Variants in SLC25A21 observed in about 807,000 individuals in gnomAD.
The protein encoded by SLC25A21 is solute carrier family 25 member 21, also known as mitochondrial 2-oxodicarboxylate carrier.
Under a neutral mutation model 43.8 loss-of-function variants are expected in SLC25A21, and 47 were observed. That is an observed-to-expected ratio of 1.07 (90% CI 0.85 to 1.37). The LOEUF (loss-of-function observed/expected upper bound fraction) is 1.37, where lower values mean the gene tolerates loss of function less well. Among genes scored for constraint, SLC25A21 ranks in the 40% most tolerant of loss-of-function variants. The pLI is 0.00. For synonymous variants in SLC25A21, 131 were observed against 121.3 expected, an observed-to-expected ratio of 1.08 and a Z score of -0.52; for missense variants, 352 against 350.2, an observed-to-expected ratio of 1.00 and a Z score of -0.04.
intron 1 of SLC25A21, among the ~76,000 whole-genome samples, chr14:37,160,321 C>T (rs1199194167): frequency 3.3e-5 from 5 of 152,128 alleles, no homozygotes; most frequent in Non-Finnish European, 7.3e-5. Context: ...AACCAAAGTG[C>T]CCATGAAAAG....
At chr14:37,141,230 A>C (rs1963565185) in intron 1 of SLC25A21, among the ~76,000 whole-genome samples, 1 of 152,204 alleles carries the variant, frequency 6.6e-6, no homozygotes, top group Admixed American at 6.5e-5. Flanking sequence ...TATATAATTA[A>C]TACAACTGAG....
At chr14:36,710,625 C>T (rs921672553) in intron 7 of SLC25A21, among the ~76,000 whole-genome samples, 3 of 151,992 alleles carry the variant, frequency 2.0e-5, no homozygotes, top group African/African-American at 7.3e-5. Context: ...AGAGAGGTCC[C>T]ATTGTGTTGC....
At chr14:36,952,832 T>C (rs547540511) in intron 1 of SLC25A21, among the ~76,000 whole-genome samples, 1 of 152,274 alleles carries the variant, frequency 6.6e-6, no homozygotes, top group East Asian at 1.9e-4. Context: ...CTTCTGTAGC[T>C]TGGGTTTGGT....
chr14:37,040,054 G>C (rs1288347641), intron 1 of SLC25A21, among the ~76,000 whole-genome samples: 1 of 150,574 alleles, frequency 6.6e-6, no homozygotes, highest in Non-Finnish European at 1.5e-5. Flanking sequence ...AAAAAAATTA[G>C]CTGCGTGTGG....
chr14:36,718,112 T>C (rs1472001754), intron 6 of SLC25A21, among the ~76,000 whole-genome samples: 1 of 152,184 alleles, frequency 6.6e-6, no homozygotes, highest in African/African-American at 2.4e-5. Flanking sequence ...GTGTCTGATA[T>C]ATAGTAGATA....
At chr14:37,107,596 A>C (rs1202454422) in intron 1 of SLC25A21, among the ~76,000 whole-genome samples, 1 of 152,170 alleles carries the variant, frequency 6.6e-6, no homozygotes, top group Non-Finnish European at 1.5e-5. Flanking sequence ...ACTAAGTGTT[A>C]GGCACTGTTC....
intron 1 of SLC25A21, among the ~76,000 whole-genome samples, chr14:37,102,416 C>G (rs1488905988): frequency 1.3e-5 from 2 of 151,292 alleles, no homozygotes; most frequent in Non-Finnish European, 2.9e-5. Context: ...GCACTCCAGC[C>G]TGGGCAACAG....
chr14:37,048,599 T>C (rs145486364), intron 1 of SLC25A21, among the ~76,000 whole-genome samples: 2 of 152,158 alleles, frequency 1.3e-5, no homozygotes, highest in Admixed American at 6.5e-5. Flanking sequence ...CATAAGCCTA[T>C]GACATCTGAC....
chr14:36,717,165 G>T (rs921118087), intron 6 of SLC25A21, among the ~76,000 whole-genome samples: 1 of 152,140 alleles, frequency 6.6e-6, no homozygotes, highest in Non-Finnish European at 1.5e-5. Flanking sequence ...CTCAAATGAG[G>T]TCTTGAAGCA....
chr14:36,928,133 G>T (rs950968873), intron 1 of SLC25A21, among the ~76,000 whole-genome samples: 1 of 152,126 alleles, frequency 6.6e-6, no homozygotes, highest in African/African-American at 2.4e-5. Flanking sequence ...CCGCGAAGAG[G>T]TCCCCCCTCC....
At chr14:36,947,977 T>C (rs1050438826) in intron 1 of SLC25A21, among the ~76,000 whole-genome samples, 15 of 152,100 alleles carry the variant, frequency 9.9e-5, no homozygotes, top group African/African-American at 3.6e-4. Context: ...AGATATTTCT[T>C]TTTCCTTGAA....
intron 1 of SLC25A21, among the ~76,000 whole-genome samples, chr14:36,944,752 C>T (rs1892642798): frequency 6.6e-6 from 1 of 152,208 alleles, no homozygotes; most frequent in Non-Finnish European, 1.5e-5. Context: ...GTCCCATCTT[C>T]TCTCATTTTA....
intron 3 of SLC25A21, among the ~76,000 whole-genome samples, chr14:36,801,003 T>G (rs1001133120): frequency 9.2e-5 from 14 of 152,178 alleles, no homozygotes; most frequent in African/African-American, 3.4e-4. Flanking sequence ...TTCATTTTGC[T>G]GAGGGTGGGT....
chr14:36,778,954 T>G (rs1489355743), intron 3 of SLC25A21, among the ~76,000 whole-genome samples: 1 of 152,014 alleles, frequency 6.6e-6, no homozygotes, highest in African/African-American at 2.4e-5. Flanking sequence ...AAAGTTTGTA[T>G]GCTTTGACCA....
intron 2 of SLC25A21, among the ~76,000 whole-genome samples, chr14:36,853,232 C>T (rs145820722): frequency 9.5e-4 from 144 of 152,326 alleles, no homozygotes; most frequent in African/African-American, 3.4e-3. Context: ...CTTCCACTGA[C>T]ATCTCCCAAG....
chr14:36,824,182 T>C (rs1888735937), intron 2 of SLC25A21, among the ~76,000 whole-genome samples: 1 of 152,170 alleles, frequency 6.6e-6, no homozygotes, highest in South Asian at 2.1e-4. Flanking sequence ...TGCTTTTCAA[T>C]AATATCAAAG....
chr14:36,791,649 C>G (rs1304952203), intron 3 of SLC25A21, among the ~76,000 whole-genome samples: 1 of 152,078 alleles, frequency 6.6e-6, no homozygotes, highest in Non-Finnish European at 1.5e-5. Context: ...TGGAGTTTTT[C>G]TTTTTATACA....
At chr14:37,032,342 T>C (rs1961232271) in intron 1 of SLC25A21, among the ~76,000 whole-genome samples, 1 of 152,062 alleles carries the variant, frequency 6.6e-6, no homozygotes, top group South Asian at 2.1e-4. Context: ...GAGACCATCC[T>C]GGCTAACACG....
At chr14:36,718,153 CA>C (rs1446971413) in intron 6 of SLC25A21, among the ~76,000 whole-genome samples, 3 of 152,126 alleles carry the variant, frequency 2.0e-5, no homozygotes, top group African/African-American at 7.2e-5. Context: ...ATCATTATTT[CA>C]AAGTCTTGAT....
Sources: allele counts gnomAD v4.1 joint callset (sites outside exome capture counted in the v4.1 genomes callset), GRCh38; gene constraint gnomAD v4.1.1; transcripts MANE v1.5; gene names NCBI Gene and HGNC (gene_info 2026-07-23, HGNC 2026-07-21).